The following GSE1 variants were observed in gnomAD, a reference collection of about 807,000 sequenced individuals.
The protein encoded by GSE1 is Gse1 coiled-coil protein, also known as genetic suppressor element 1.
Under a neutral mutation model 112.6 loss-of-function variants are expected in GSE1, and 32 were observed. The observed-to-expected ratio is 0.28, with a 90% CI of 0.21 to 0.38. GSE1 has a LOEUF of 0.38. GSE1 is among the 10% of genes least tolerant of loss of function. The pLI, the probability that GSE1 is intolerant of heterozygous loss-of-function variation, is 1.00. For synonymous variants in GSE1, 1,115 were observed against 735.6 expected (o/e 1.52, Z -8.35); for missense variants, 2,348 against 1,699.2 (o/e 1.38, Z -6.71).
At chr16:85,245,984 G>A (rs1486165318) in intron 1 of GSE1, among the ~76,000 whole-genome samples, 1 of 151,098 alleles carries the variant, frequency 6.6e-6, no homozygotes, top group African/African-American at 2.4e-5. Context: ...CTGTCTGGGT[G>A]TGTTAGTGGG....
intron 1 of GSE1, among the ~76,000 whole-genome samples, chr16:85,201,711 T>G (rs918375242): frequency 6.6e-6 from 1 of 151,662 alleles, no homozygotes. Context: ...GACCACTGAC[T>G]CAAGCCCTGG....
At position 85,654,949 on chromosome 16, in the gene GSE1, C is replaced by T. The variant is rs1210521030; in HGVS notation, c.755C>T (p.Pro252Leu). 6.2e-7 allele frequency: 1 copy of T among 1,609,552 alleles called. No homozygotes were observed. The highest frequency in any genetic ancestry group is 8.5e-7 in the Non-Finnish European group (1 of 1,179,256). The change falls in exon 5 of 16, where the codon CCC becomes CTC. Residue 252 changes from proline to leucine, a missense_variant. Physicochemically the swap from Pro to Leu is moderately conservative, Grantham distance 98. Coordinates refer to ENST00000253458, the MANE Select transcript of GSE1 (RefSeq NM_014615.5). Reference sequence around the variant, plus strand: ...GCCACTGCTGCAGCCTACTACCACCCCAGCTACCTGGCCCCACACCCCTTC... The same window carrying T: ...GCCACTGCTGCAGCCTACTACCACCTCAGCTACCTGGCCCCACACCCCTTC... ...DPATAAAYYH[P>L]SYLAPHPFPH...
intron 2 of GSE1, among the ~76,000 whole-genome samples, chr16:85,468,196 CT>C (rs11336182): frequency 0.77 from 116,633 of 151,906 alleles, 45,029 homozygotes; most frequent in East Asian, 0.98. Flanking sequence ...TGGGAAAGCC[CT>C]TAGAGGAACA....
intron 1 of GSE1, among the ~76,000 whole-genome samples, chr16:85,269,625 C>G (rs1908625177): frequency 6.7e-6 from 1 of 149,276 alleles, no homozygotes; most frequent in African/African-American, 2.4e-5. Flanking sequence ...CTCTGCATGC[C>G]CGGCCCCTCC....
chr16:85,414,297 G>T (rs930921896), intron 2 of GSE1, among the ~76,000 whole-genome samples: 33 of 152,230 alleles, frequency 2.2e-4, no homozygotes, highest in African/African-American at 7.0e-4. Flanking sequence ...TGCATTGGTT[G>T]CTAAATCACT....
intron 2 of GSE1, among the ~76,000 whole-genome samples, chr16:85,442,326 GC>G (rs1334936168): frequency 1.3e-5 from 2 of 152,126 alleles, no homozygotes; most frequent in African/African-American, 4.8e-5. Context: ...TACCGTCCTG[GC>G]CCCATCTCAG....
chr16:85,503,554 C>T (rs559756410), intron 2 of GSE1, among the ~76,000 whole-genome samples: 33 of 152,276 alleles, frequency 2.2e-4, no homozygotes, highest in African/African-American at 6.7e-4. Context: ...TTACGGCCCA[C>T]GGAGCTCTGA....
At chr16:85,489,219 A>G (rs1007664053) in intron 2 of GSE1, among the ~76,000 whole-genome samples, 12 of 152,016 alleles carry the variant, frequency 7.9e-5, no homozygotes, top group African/African-American at 2.9e-4. Flanking sequence ...TGGACAGCTC[A>G]GGTCTGGAGT....
intron 1 of GSE1, among the ~76,000 whole-genome samples, chr16:85,331,086 T>C (rs894007176): frequency 2.0e-5 from 3 of 152,068 alleles, no homozygotes; most frequent in Non-Finnish European, 2.9e-5. Flanking sequence ...GAGATGGGAA[T>C]GGAGACGGGA....
At chr16:85,482,961 G>A (rs2050725700) in intron 2 of GSE1, among the ~76,000 whole-genome samples, 1 of 134,394 alleles carries the variant, frequency 7.4e-6, no homozygotes, top group Admixed American at 7.4e-5. Flanking sequence ...CAGGATGACA[G>A]AGTGAGACTC....
intron 1 of GSE1, among the ~76,000 whole-genome samples, chr16:85,599,667 TGGA>T (rs1164980529): frequency 1.3e-5 from 2 of 152,228 alleles, no homozygotes; most frequent in Non-Finnish European, 2.9e-5. Context: ...CTGAGGCAGT[TGGA>T]GGAGATGGAA....
chr16:85,506,510 G>A (rs561167392), intron 2 of GSE1, among the ~76,000 whole-genome samples: 10 of 152,272 alleles, frequency 6.6e-5, no homozygotes, highest in African/African-American at 1.9e-4. Flanking sequence ...AGCCAGAAGA[G>A]CAGGGCCCGC....
chr16:85,288,266 G>A (rs2045100658), intron 1 of GSE1, among the ~76,000 whole-genome samples: 1 of 151,680 alleles, frequency 6.6e-6, no homozygotes, highest in Admixed American at 6.6e-5. Context: ...AAAGAAATAA[G>A]TACTCTCAGC....
intron 2 of GSE1, among the ~76,000 whole-genome samples, chr16:85,636,393 C>A (rs532552169): frequency 6.6e-6 from 1 of 152,168 alleles, no homozygotes; most frequent in East Asian, 1.9e-4. Flanking sequence ...GGGCCCTCGT[C>A]GCCCCCACCC....
chr16:85,425,062 G>A (rs1049110705), intron 2 of GSE1, among the ~76,000 whole-genome samples: 1 of 152,242 alleles, frequency 6.6e-6, no homozygotes. Flanking sequence ...TGGGCTGGGG[G>A]CCCCGGGCCA....
chr16:85,239,042 C>T (rs1904956843), intron 1 of GSE1, among the ~76,000 whole-genome samples: 1 of 152,154 alleles, frequency 6.6e-6, no homozygotes, highest in Non-Finnish European at 1.5e-5. Context: ...ATTCTCCTGC[C>T]TCAGCCTCCC....
At chr16:85,436,795 G>A (rs1266408765) in intron 2 of GSE1, among the ~76,000 whole-genome samples, 3 of 152,210 alleles carry the variant, frequency 2.0e-5, no homozygotes, top group East Asian at 1.9e-4. Context: ...GACCCCACGC[G>A]CGCTGCCAGG....
chr16:85,627,820 CTAATG>C (rs1176970532), intron 1 of GSE1, among the ~76,000 whole-genome samples: 3 of 152,230 alleles, frequency 2.0e-5, no homozygotes, highest in Non-Finnish European at 2.9e-5. Flanking sequence ...AAATACCTCT[CTAATG>C]AGGGCAGCAG....
Position 85,383,429 on chromosome 16 carries a change from A to T in GSE1, c.2464+25786A>T, listed in dbSNP as rs140887101. ...ACACACGCACACACAGCCTCTGTAC[A>T]TAGATACGCACGCATTCACATGTAC... On this transcript the variant is annotated intron_variant, in intron 2 of 2. Transcript: ENST00000637419. Among the ~76,000 whole-genome samples the T allele has an allele frequency of 2.0e-3, 305 of 152,078 alleles. 3 individuals are homozygous for T. Among genetic ancestry groups the T allele is most frequent in the Admixed American group, 0.018 (268 of 15,272 alleles).
Sources: allele counts gnomAD v4.1 joint callset (sites outside exome capture counted in the v4.1 genomes callset), GRCh38; gene constraint gnomAD v4.1.1; transcripts MANE v1.5; gene names NCBI Gene and HGNC (gene_info 2026-07-23, HGNC 2026-07-21).